The following CDH8 variants were observed in gnomAD, a reference collection of about 807,000 sequenced individuals.
The protein encoded by CDH8 is cadherin 8.
In CDH8, 17 loss-of-function variants were observed where a neutral mutation model predicts 68.1. The observed-to-expected ratio is 0.25, with a 90% CI of 0.17 to 0.37. CDH8 has a LOEUF of 0.37. CDH8 is among the 10% of genes least tolerant of loss of function. The pLI, the probability that CDH8 is intolerant of heterozygous loss-of-function variation, is 1.00. For missense variants in CDH8, 763 were observed against 999.3 expected (o/e 0.76, Z 3.19); for synonymous variants, 372 against 365.1 (o/e 1.02, Z -0.21).
intron 10 of CDH8, among the ~76,000 whole-genome samples, chr16:61,685,035 T>C (rs1434629703): frequency 6.6e-6 from 1 of 151,952 alleles, no homozygotes; most frequent in Non-Finnish European, 1.5e-5. Context: ...TCCATCATCT[T>C]TGTCACCATT....
chr16:61,722,987 A>T (rs965408045), intron 9 of CDH8, among the ~76,000 whole-genome samples: 31 of 150,824 alleles, frequency 2.1e-4, no homozygotes, highest in Admixed American at 7.3e-4. Context: ...AGTTACAGAA[A>T]TTCTTTCCTG....
At chr16:61,658,092 G>C (rs538084810) in intron 10 of CDH8, among the ~76,000 whole-genome samples, 71 of 151,824 alleles carry the variant, frequency 4.7e-4, no homozygotes, top group African/African-American at 1.6e-3. Context: ...TTTTGTTTTT[G>C]TTTTTGTTTC....
chr16:61,966,965 G>T (rs916254038), intron 2 of CDH8, among the ~76,000 whole-genome samples: 1 of 152,146 alleles, frequency 6.6e-6, no homozygotes, highest in Non-Finnish European at 1.5e-5. Flanking sequence ...AACACTTTGG[G>T]AGGCCAACAC....
At chr16:62,020,979 A>G (rs1383139244) in intron 2 of CDH8, among the ~76,000 whole-genome samples, 173 bp downstream of exon 2, 2 of 152,216 alleles carry the variant, frequency 1.3e-5, no homozygotes, top group African/African-American at 4.8e-5. Context: ...AGACCATTTA[A>G]AACTGTTACC....
intron 3 of CDH8, among the ~76,000 whole-genome samples, chr16:61,861,785 G>A (rs1963154295): frequency 1.6e-5 from 2 of 121,670 alleles, no homozygotes; most frequent in Non-Finnish European, 3.2e-5. Flanking sequence ...TAAAAAGGAA[G>A]GTGAACATTA....
At chr16:61,974,051 A>T (rs1385578903) in intron 2 of CDH8, among the ~76,000 whole-genome samples, 3 of 151,834 alleles carry the variant, frequency 2.0e-5, no homozygotes, top group Non-Finnish European at 4.4e-5. Context: ...CCATTCTGAA[A>T]TAAATAATCT....
At chr16:61,902,998 AT>A (rs1299534155) in intron 2 of CDH8, among the ~76,000 whole-genome samples, 4 of 152,152 alleles carry the variant, frequency 2.6e-5, no homozygotes, top group African/African-American at 4.8e-5. Context: ...ACATGTTAAC[AT>A]TTTCATTAGC....
chr16:61,829,678 C>T (rs1962414729), intron 4 of CDH8, among the ~76,000 whole-genome samples: 1 of 151,824 alleles, frequency 6.6e-6, no homozygotes, highest in Non-Finnish European at 1.5e-5. Flanking sequence ...CCTTCCACAA[C>T]ATTGGGAGTA....
Position 61,825,018 on chromosome 16 carries a change from C to A in CDH8, c.829G>T (p.Ala277Ser), listed in dbSNP as rs1449774595. The change falls in exon 5 of 12, where the codon GCA (alanine) becomes TCA (serine). Residue 277 changes from alanine (A) to serine (S), a missense_variant. This residue lies in a region of CDH8 where 366 missense variants were observed against 563.1 expected (regional missense o/e 0.65). Coordinates refer to ENST00000577390, the MANE Select transcript of CDH8 (RefSeq NM_001796.5). ...TDVNDNPPKF[A>S]QSLYHFSVPE... ...GTGCAGGAAATTAACTTACTCTGTG[C>A]AAATTTTGGAGGATTGTCATTAACA... is the stretch of plus-strand genomic sequence containing the variant. The A allele has an allele frequency of 6.2e-7, 1 of 1,610,730 alleles. No individual in the cohort carries two copies. The highest frequency in any genetic ancestry group is 8.5e-7 in the Non-Finnish European group (1 of 1,177,936).
chr16:61,875,112 T>A (rs1484567233), intron 3 of CDH8, among the ~76,000 whole-genome samples: 1 of 152,212 alleles, frequency 6.6e-6, no homozygotes, highest in Non-Finnish European at 1.5e-5. Context: ...TTGGAACAAC[T>A]GTGAGGTCTT....
Position 61,655,470 on chromosome 16 carries a change from C to G in CDH8, c.1906G>C (p.Val636Leu), listed in dbSNP as rs374720488. The change falls in exon 11 of 12, where the codon GTC (valine) becomes CTC (leucine). Residue 636 changes from valine (V) to leucine (L), a missense_variant and splice_region_variant. Physicochemically the swap from Val to Leu is conservative, Grantham distance 32. Coordinates refer to ENST00000577390, the MANE Select transcript of CDH8 (RefSeq NM_001796.5). ...GGTAGGCTATGAAGGAAATACGTAC[C>G]TAACAGCAAAATGATGCATGCTAAT... Reference protein sequence around the residue: ...AILACIILLLVIVVLFVTLRR... With the variant: ...AILACIILLLLIVVLFVTLRR... The G allele has an allele frequency of 7.4e-6, 12 of 1,613,880 alleles. No individual in the cohort carries two copies. The highest frequency in any genetic ancestry group is 1.0e-5 in the Non-Finnish European group (12 of 1,179,978).
chr16:61,656,349 T>C (rs776660358), intron 10 of CDH8, among the ~76,000 whole-genome samples: 1 of 152,202 alleles, frequency 6.6e-6, no homozygotes, highest in Non-Finnish European at 1.5e-5. Flanking sequence ...CCATATACCA[T>C]ATATAAGCTT....
intron 4 of CDH8, among the ~76,000 whole-genome samples, chr16:61,842,150 G>A (rs953734430): frequency 7.3e-5 from 11 of 150,354 alleles, no homozygotes; most frequent in Admixed American, 4.0e-4. Flanking sequence ...CTCGTGATCC[G>A]CCCGCCTGGG....
chr16:61,655,575 T>G lies in CDH8; in HGVS notation c.1801A>C (p.Asn601His). The stretch of plus-strand genomic sequence containing the variant: ...TTGCAAGACTGGACGACACCGTCAT[T>G]GCTGCAGCCACAGACCCTGATTGTC... Reference protein sequence around the residue: ...TLTIRVCGCSNDGVVQSCNVE... With the variant: ...TLTIRVCGCSHDGVVQSCNVE... Residue 601 changes from asparagine (N) to histidine (H), a missense_variant, in exon 11 of 12, where the codon AAT becomes CAT. Coordinates refer to ENST00000577390, the MANE Select transcript of CDH8 (RefSeq NM_001796.5). 1 of 1,614,196 alleles carries G rather than the reference T, an allele frequency of 6.2e-7. No homozygotes were observed.
chr16:61,689,604 G>C (rs1964178136), intron 10 of CDH8, among the ~76,000 whole-genome samples: 1 of 151,990 alleles, frequency 6.6e-6, no homozygotes, highest in South Asian at 2.1e-4. Flanking sequence ...AATAATATGA[G>C]CTCAAAGATA....
At chr16:61,700,155 T>C (rs916587945) in intron 10 of CDH8, among the ~76,000 whole-genome samples, 2 of 152,218 alleles carry the variant, frequency 1.3e-5, no homozygotes. Context: ...ATTTCTGCTA[T>C]TGTGAACAGT....
At chr16:61,681,177 T>C (rs1454009436) in intron 10 of CDH8, among the ~76,000 whole-genome samples, 3 of 151,834 alleles carry the variant, frequency 2.0e-5, no homozygotes, top group Non-Finnish European at 4.4e-5. Flanking sequence ...CTCTGAGCTA[T>C]CTATGCAAGA....
intron 3 of CDH8, among the ~76,000 whole-genome samples, chr16:61,879,264 AG>A (rs1963524443): frequency 6.6e-6 from 1 of 152,236 alleles, no homozygotes; most frequent in South Asian, 2.1e-4. Context: ...TTAAATAGCA[AG>A]GAGAAATTTG....
intron 7 of CDH8, among the ~76,000 whole-genome samples, chr16:61,793,218 A>G (rs1025276382): frequency 4.0e-5 from 6 of 151,706 alleles, no homozygotes; most frequent in Non-Finnish European, 8.8e-5. Context: ...GGACTTCCCA[A>G]CTTTCAGAAT....
Sources: gnomAD v4.1 joint callset for allele counts (sites outside exome capture counted in the v4.1 genomes callset) on GRCh38, gnomAD v4.1.1 for gene constraint, gnomAD v4.1.1 regional missense constraint, MANE v1.5 for transcripts, NCBI Gene and HGNC (gene_info 2026-07-23, HGNC 2026-07-21) for gene names.